The following QRFPR variants were observed in gnomAD, a reference collection of about 807,000 sequenced individuals.
QRFPR encodes pyroglutamylated RFamide peptide receptor.
QRFPR carries 37 observed loss-of-function variants against 31.3 expected under a neutral mutation model. The ratio of observed to expected loss-of-function variants is 1.18; its 90% confidence interval spans 0.91 to 1.56. The LOEUF (loss-of-function observed/expected upper bound fraction) is 1.56, where lower values mean the gene tolerates loss of function less well. QRFPR is among the 40% of genes most tolerant of loss of function. QRFPR has a pLI of 0.00. For synonymous variants in QRFPR, 197 were observed against 192.0 expected (o/e 1.03, Z -0.22); for missense variants, 542 against 532.5 (o/e 1.02, Z -0.18).
intron 1 of QRFPR, among the ~76,000 whole-genome samples, chr4:121,350,302 C>T (rs1725738636): frequency 6.6e-6 from 1 of 152,116 alleles, no homozygotes; most frequent in Non-Finnish European, 1.5e-5. Flanking sequence ...CACAGTCCAC[C>T]AAGTTCAAGG....
At chr4:121,347,717 T>C (rs1341248833) in intron 1 of QRFPR, among the ~76,000 whole-genome samples, 1 of 152,162 alleles carries the variant, frequency 6.6e-6, no homozygotes, top group Non-Finnish European at 1.5e-5. Flanking sequence ...ATGTCTTTTA[T>C]CTATAACTTT....
Position 121,366,916 on chromosome 4 carries a change from C to T in QRFPR, c.340+13392G>A, listed in dbSNP as rs567418012. On this transcript the variant is annotated intron_variant, in intron 1 of 5. Coordinates refer to ENST00000394427, the MANE Select transcript of QRFPR (RefSeq NM_198179.3). Reference sequence around the variant, plus strand: ...GCAGTGCATAGCAAGGCTCTAGTGCCCAGGATTGCCCAGATCTCAGCAAGT... The same window carrying T: ...GCAGTGCATAGCAAGGCTCTAGTGCTCAGGATTGCCCAGATCTCAGCAAGT... Among the ~76,000 whole-genome samples the T allele has an allele frequency of 1.8e-3, 263 of 149,944 alleles. 28 individuals are homozygous for T. The East Asian group carries it at 0.036, about 21-fold the overall frequency.
chr4:121,354,218 T>C (rs532035397), intron 1 of QRFPR, among the ~76,000 whole-genome samples: 2 of 152,228 alleles, frequency 1.3e-5, no homozygotes, highest in African/African-American at 4.8e-5. Flanking sequence ...ATATGAATTT[T>C]AGGATTGTTT....
At chr4:121,369,629 G>C in intron 1 of QRFPR, 1 of 1,607,652 alleles carries the variant, frequency 6.2e-7, no homozygotes, top group East Asian at 2.2e-5. Context: ...GGCCTGGGTG[G>C]CAAAACTTCC....
intron 1 of QRFPR, among the ~76,000 whole-genome samples, chr4:121,370,790 T>C (rs1418610032): frequency 1.3e-5 from 2 of 152,220 alleles, no homozygotes; most frequent in Non-Finnish European, 2.9e-5. Flanking sequence ...GTAAATACTA[T>C]ATGCTTCATA....
chr4:121,377,158 C>T (rs989123686), intron 1 of QRFPR, among the ~76,000 whole-genome samples: 1 of 152,158 alleles, frequency 6.6e-6, no homozygotes, highest in Non-Finnish European at 1.5e-5. Context: ...TAGAAGTCAG[C>T]ATCATAAAAA....
chr4:121,345,431 C>T (rs892145549), intron 1 of QRFPR, among the ~76,000 whole-genome samples: 1 of 152,238 alleles, frequency 6.6e-6, no homozygotes, highest in Non-Finnish European at 1.5e-5. Context: ...CTGTTGCTTG[C>T]AACGAAGTAG....
chr4:121,380,038 A>C (rs943658964), intron 1 of QRFPR, among the ~76,000 whole-genome samples: 7 of 152,024 alleles, frequency 4.6e-5, no homozygotes, highest in African/African-American at 1.2e-4. Context: ...AGCCACAAGG[A>C]GGAAGCACTG....
rs1560743531 is a variant in QRFPR at position 121,365,526 on chromosome 4, T to TA, written c.340+14781_340+14782insT. Among the ~76,000 whole-genome samples, 8 of 6,290 alleles carry TA rather than the reference T, an allele frequency of 1.3e-3. No homozygotes were observed. The East Asian group carries it at 0.059, about 46-fold the overall frequency. The allele number at this position is 6,290 out of a possible 152,430, so 4.1% of individuals were successfully genotyped here. A position where few individuals can be genotyped will look rare whatever the true frequency, so the allele number is the denominator to read the frequency against. The stretch of plus-strand genomic sequence containing the variant: ...ATATATATAATATATATTATATATA[T>TA]TATATATAATATATATTATATATAA... On this transcript the variant is annotated intron_variant, in intron 1 of 5. Coordinates refer to ENST00000394427, the MANE Select transcript of QRFPR (RefSeq NM_198179.3).
intron 1 of QRFPR, among the ~76,000 whole-genome samples, chr4:121,378,361 C>T (rs994141014): frequency 2.0e-5 from 3 of 151,158 alleles, no homozygotes; most frequent in African/African-American, 4.9e-5. Context: ...CTTTCTTGGC[C>T]ATGATTCCCC....
intron 1 of QRFPR, among the ~76,000 whole-genome samples, chr4:121,373,068 T>C (rs1726282789): frequency 6.6e-6 from 1 of 152,170 alleles, no homozygotes; most frequent in Non-Finnish European, 1.5e-5. Context: ...CCCTTTTTTT[T>C]CTTAAGGTAA....
chr4:121,336,202 A>C (rs1725432942), intron 3 of QRFPR, among the ~76,000 whole-genome samples: 1 of 152,132 alleles, frequency 6.6e-6, no homozygotes, highest in African/African-American at 2.4e-5. Flanking sequence ...CCTATGCAAG[A>C]CATGTTAAAG....
chr4:121,337,161 C>T (rs1385620711), intron 2 of QRFPR, among the ~76,000 whole-genome samples: 1 of 152,132 alleles, frequency 6.6e-6, no homozygotes, highest in Non-Finnish European at 1.5e-5. Context: ...AATTGCCTCT[C>T]TCTCCTCTTT....
chr4:121,372,329 C>T lies in QRFPR; in HGVS notation c.340+7979G>A, dbSNP rs558097578. On this transcript the variant is annotated intron_variant, in intron 1 of 5. Transcript: ENST00000394427. ...CAAGGCCAAACTGGCTAGAATCCTT[C>T]CAGAATTTTCTGCAACTACCGGGAA... Among the ~76,000 whole-genome samples the T allele has an allele frequency of 2.9e-3, 436 of 152,238 alleles. 3 individuals carry two copies. The highest frequency in any genetic ancestry group is 9.9e-3 in the African/African-American group (410 of 41,518).
At chr4:121,370,279 G>A (rs568415900) in intron 1 of QRFPR, 4 of 784,714 alleles carry the variant, frequency 5.1e-6, no homozygotes, top group African/African-American at 5.1e-5. Context: ...ATCCTGAAGG[G>A]CAGGGACATC....
At chr4:121,365,562 ATAT>A (rs1465788906) in intron 1 of QRFPR, among the ~76,000 whole-genome samples, 211 of 5,876 alleles carry the variant, frequency 0.036, 12 homozygotes, top group Non-Finnish European at 0.042. Context: ...TATATAATAT[ATAT>A]TATATATAAT....
chr4:121,336,037 GT>G (rs1344529334), intron 3 of QRFPR, among the ~76,000 whole-genome samples: 2 of 152,134 alleles, frequency 1.3e-5, no homozygotes, highest in Non-Finnish European at 2.9e-5. Flanking sequence ...AGGCTCATTT[GT>G]TATCCTTGAG....
intron 1 of QRFPR, among the ~76,000 whole-genome samples, chr4:121,348,765 C>T (rs1415562253): frequency 6.6e-6 from 1 of 152,088 alleles, no homozygotes; most frequent in Non-Finnish European, 1.5e-5. Context: ...TGGTGCTAAC[C>T]TGTCTATATT....
chr4:121,350,291 T>C (rs74913255), intron 1 of QRFPR, among the ~76,000 whole-genome samples: 8 of 152,302 alleles, frequency 5.3e-5, no homozygotes, highest in Non-Finnish European at 1.0e-4. Context: ...AGTCAGGCAC[T>C]CACAGTCCAC....
Sources: allele counts gnomAD v4.1 joint callset (sites outside exome capture counted in the v4.1 genomes callset), GRCh38; gene constraint gnomAD v4.1.1; transcripts MANE v1.5; gene names NCBI Gene and HGNC (gene_info 2026-07-23, HGNC 2026-07-21).